NAALADL2: variants seen among roughly 807,000 people sequenced by gnomAD.
The protein encoded by NAALADL2 is N-acetylated alpha-linked acidic dipeptidase like 2.
A neutral mutation model predicts 87.2 loss-of-function variants in NAALADL2; 76 were observed. That is an observed-to-expected ratio of 0.87 (90% CI 0.72 to 1.05). The LOEUF is 1.05. Ranked by LOEUF, NAALADL2 falls within the 50% of genes least tolerant of loss-of-function variation. NAALADL2 has a pLI of 0.00. For missense variants in NAALADL2, 1,089 were observed against 945.8 expected (o/e 1.15, Z -1.99); for synonymous variants, 354 against 331.0 (o/e 1.07, Z -0.75).
chr3:175,324,841 A>G (rs1362452607), intron 5 of NAALADL2, among the ~76,000 whole-genome samples: 2 of 152,188 alleles, frequency 1.3e-5, no homozygotes, highest in African/African-American at 4.8e-5. Context: ...GTTTTGGCCA[A>G]TCACTGGAAG....
At chr3:175,378,905 T>G (rs1331478110) in intron 5 of NAALADL2, among the ~76,000 whole-genome samples, 4 of 152,200 alleles carry the variant, frequency 2.6e-5, no homozygotes, top group Non-Finnish European at 5.9e-5. Context: ...ACAGTTAGTC[T>G]TAGTAATTTG....
At chr3:174,955,795 G>A (rs546745959) in intron 1 of NAALADL2, among the ~76,000 whole-genome samples, 3 of 152,164 alleles carry the variant, frequency 2.0e-5, no homozygotes, top group East Asian at 3.9e-4. Flanking sequence ...CAGATGATCA[G>A]GCTCTACCAA....
intron 2 of NAALADL2, among the ~76,000 whole-genome samples, chr3:174,647,822 T>C (rs945001933): frequency 6.6e-6 from 1 of 152,214 alleles, no homozygotes; most frequent in African/African-American, 2.4e-5. Context: ...ATGCCAACCA[T>C]GCACTTGGCA....
At chr3:174,577,445 G>T (rs1328068645) in intron 2 of NAALADL2, among the ~76,000 whole-genome samples, 1 of 152,120 alleles carries the variant, frequency 6.6e-6, no homozygotes, top group East Asian at 1.9e-4. Flanking sequence ...GGGGATACTT[G>T]CATTTGTGTG....
At chr3:175,486,829 T>A (rs1727351402) in intron 9 of NAALADL2, among the ~76,000 whole-genome samples, 1 of 152,180 alleles carries the variant, frequency 6.6e-6, no homozygotes, top group Non-Finnish European at 1.5e-5. Flanking sequence ...CTCCTCTCTT[T>A]ATCTCATACC....
intron 2 of NAALADL2, among the ~76,000 whole-genome samples, chr3:174,614,984 A>T (rs1281560726): frequency 3.9e-5 from 6 of 152,152 alleles, no homozygotes; most frequent in Admixed American, 3.9e-4. Context: ...TTAGAAACCT[A>T]AAAGCAGTAA....
intron 1 of NAALADL2, among the ~76,000 whole-genome samples, chr3:175,084,181 A>G (rs1486756057): frequency 6.6e-6 from 1 of 152,204 alleles, no homozygotes; most frequent in East Asian, 1.9e-4. Context: ...CTGGTTATTT[A>G]TTGCTGAGTA....
intron 1 of NAALADL2, among the ~76,000 whole-genome samples, chr3:175,020,133 A>G (rs74802112): frequency 0.025 from 3,737 of 152,052 alleles, 164 homozygotes; most frequent in African/African-American, 0.086. Flanking sequence ...GTGTTCAGGG[A>G]CCTCTTTCTG....
At chr3:175,180,406 T>C (rs1305195388) in intron 2 of NAALADL2, among the ~76,000 whole-genome samples, 1 of 151,976 alleles carries the variant, frequency 6.6e-6, no homozygotes, top group African/African-American at 2.4e-5. Context: ...TTCTACGTAT[T>C]ATCTGTTACT....
intron 3 of NAALADL2, among the ~76,000 whole-genome samples, chr3:175,244,520 A>G (rs1365784965): frequency 6.6e-6 from 1 of 152,076 alleles, no homozygotes; most frequent in Non-Finnish European, 1.5e-5. Flanking sequence ...GCTCAGATCT[A>G]CCACCCAACT....
chr3:175,378,327 C>T (rs1767404838), intron 5 of NAALADL2, among the ~76,000 whole-genome samples: 1 of 152,234 alleles, frequency 6.6e-6, no homozygotes, highest in Non-Finnish European at 1.5e-5. Context: ...CACACACTCC[C>T]TCCTGCAGGG....
intron 2 of NAALADL2, among the ~76,000 whole-genome samples, chr3:174,574,285 T>A (rs940001706): frequency 3.9e-5 from 6 of 152,176 alleles, no homozygotes; most frequent in Admixed American, 1.3e-4. Context: ...ACTTTCATAA[T>A]GTGTGTTGAA....
intron 3 of NAALADL2, among the ~76,000 whole-genome samples, chr3:174,811,657 C>G (rs1286499763): frequency 6.6e-6 from 1 of 152,004 alleles, no homozygotes; most frequent in Non-Finnish European, 1.5e-5. Context: ...AGACTTTGGA[C>G]TTTTGAGTTA....
chr3:174,837,973 G>T (rs1297399900), intron 3 of NAALADL2, among the ~76,000 whole-genome samples: 1 of 141,120 alleles, frequency 7.1e-6, no homozygotes, highest in Admixed American at 7.6e-5. Flanking sequence ...ATTCTATGAA[G>T]CCAGTATCAC....
At chr3:175,181,394 C>T (rs1393853488) in intron 2 of NAALADL2, among the ~76,000 whole-genome samples, 1 of 151,642 alleles carries the variant, frequency 6.6e-6, no homozygotes, top group Non-Finnish European at 1.5e-5. Flanking sequence ...GTTAATATAT[C>T]CATCATCTCA....
chr3:175,674,142 C>T (rs1013597943), intron 11 of NAALADL2, among the ~76,000 whole-genome samples: 50 of 152,142 alleles, frequency 3.3e-4, no homozygotes, highest in African/African-American at 1.2e-3. Flanking sequence ...ACATCCTCCT[C>T]TGAATCCCAA....
chr3:175,534,411 G>A (rs1734523243), intron 9 of NAALADL2, among the ~76,000 whole-genome samples: 1 of 152,192 alleles, frequency 6.6e-6, no homozygotes, highest in South Asian at 2.1e-4. Context: ...TCAAAGGCAG[G>A]AAGCATCTAG....
intron 11 of NAALADL2, among the ~76,000 whole-genome samples, chr3:175,657,000 C>A (rs974923922): frequency 6.6e-6 from 1 of 151,928 alleles, no homozygotes; most frequent in African/African-American, 2.4e-5. Context: ...TTCCAAATAG[C>A]CTTGAAAAAT....
At chr3:175,000,807 CACTT>C (rs1336685622) in intron 1 of NAALADL2, among the ~76,000 whole-genome samples, 6 of 152,112 alleles carry the variant, frequency 3.9e-5, no homozygotes, top group Non-Finnish European at 1.5e-5. Context: ...TATTATAACT[CACTT>C]AATCCTTAAA....
Sources: gnomAD v4.1 joint callset for allele counts (sites outside exome capture counted in the v4.1 genomes callset) on GRCh38, gnomAD v4.1.1 for gene constraint, MANE v1.5 for transcripts, NCBI Gene and HGNC (gene_info 2026-07-23, HGNC 2026-07-21) for gene names.